FMO4: variants seen among roughly 807,000 people sequenced by gnomAD.
FMO4 encodes flavin containing dimethylaniline monoxygenase 4.
Under a neutral mutation model 43.3 loss-of-function variants are expected in FMO4, and 38 were observed. The observed-to-expected ratio is 0.88, with a 90% CI of 0.68 to 1.15. FMO4 has a LOEUF of 1.15. Ranked by LOEUF, FMO4 falls within the 50% of genes most tolerant of loss-of-function variation. The probability of loss-of-function intolerance (pLI) is 0.00; values close to 1 mark genes in which losing one functional copy is unlikely to be tolerated. For missense variants in FMO4, 631 were observed against 663.3 expected, an observed-to-expected ratio of 0.95 and a Z score of 0.54; for synonymous variants, 224 against 232.2, an observed-to-expected ratio of 0.96 and a Z score of 0.32.
intron 7 of FMO4, chr1:171,333,143 C>T (rs538981430): frequency 3.6e-5 from 13 of 357,164 alleles, no homozygotes; most frequent in South Asian, 3.1e-4. Flanking sequence ...AAGATGAAAA[C>T]TTCCATTTCC....
intron 8 of FMO4, among the ~76,000 whole-genome samples, chr1:171,335,569 T>C (rs1011961599): frequency 2.0e-5 from 3 of 152,226 alleles, no homozygotes; most frequent in Non-Finnish European, 2.9e-5. Flanking sequence ...AGCTATGCTG[T>C]AGAAAAATTC....
At chr1:171,317,026 G>C (rs911383868) in intron 2 of FMO4, among the ~76,000 whole-genome samples, 2 of 152,174 alleles carry the variant, frequency 1.3e-5, no homozygotes, top group African/African-American at 4.8e-5. Context: ...CCTGAGCAAA[G>C]ATGAAGGAAG....
rs541312356 is a variant in FMO4 at position 171,341,311 on chromosome 1, A to C, written c.1251-102A>C. On this transcript the variant is annotated intron_variant, in intron 9 of 9. Transcript: ENST00000367749. ...TCCCAAATATGGTTTGATTTCCCCCAAAAAATGTAACAAAATGGTGGGAGG... is the reference window on the plus strand; with the variant it reads ...TCCCAAATATGGTTTGATTTCCCCCCAAAAATGTAACAAAATGGTGGGAGG... 2,677 of 846,236 alleles carry C rather than the reference A, an allele frequency of 3.2e-3. 8 individuals are homozygous for C. The highest frequency in any genetic ancestry group is 4.3e-3 in the Non-Finnish European group (2,375 of 554,772). The allele number at this position is 846,236 out of a possible 1,614,324, so 52.4% of individuals were successfully genotyped here. A position where few individuals can be genotyped will look rare whatever the true frequency, so the allele number is the denominator to read the frequency against.
intron 9 of FMO4, among the ~76,000 whole-genome samples, chr1:171,337,698 T>C (rs1028939608): frequency 6.6e-6 from 1 of 152,220 alleles, no homozygotes. Context: ...CCAGGAAATC[T>C]ATTCTGACTT....
chr1:171,334,558 C>A lies in FMO4; in HGVS notation c.975C>A (p.Ile325=). 4.3e-6 allele frequency: 7 copies of A among 1,612,848 alleles called. No homozygotes were observed. Among genetic ancestry groups the A allele is most frequent in the Non-Finnish European group, 5.9e-6 (7 of 1,178,856 alleles). Residue 325 remains isoleucine (I), a synonymous_variant, in exon 8 of 10, where the codon ATC becomes ATA. Coordinates refer to ENST00000367749, the MANE Select transcript of FMO4 (RefSeq NM_002022.3). ...TGGAAGAAAACATTGATGTTGTGAT[C>A]TTCACTACAGGATATACATTTTCTT... ...GTVEENIDVV[I]FTTGYTFSFP...
chr1:171,339,015 G>A lies in FMO4; in HGVS notation c.1250+1590G>A, dbSNP rs113642819. Among the ~76,000 whole-genome samples the A allele has an allele frequency of 3.4e-4, 52 of 152,228 alleles. 1 individual carries two copies. Among genetic ancestry groups the A allele is most frequent in the Middle Eastern group, 6.8e-3 (2 of 292 alleles). ...TAAACTTCATGAAAAGTAGAACATCGTGGAAGTTTACTGACAGGAATAAGT... is the reference window on the plus strand; with the variant it reads ...TAAACTTCATGAAAAGTAGAACATCATGGAAGTTTACTGACAGGAATAAGT... On this transcript the variant is annotated intron_variant, in intron 9 of 9. Transcript: ENST00000367749.
At chr1:171,315,079 A>T (rs1368334574) in intron 1 of FMO4, among the ~76,000 whole-genome samples, 1 of 152,102 alleles carries the variant, frequency 6.6e-6, no homozygotes, top group Non-Finnish European at 1.5e-5. Context: ...ACCACTTGAG[A>T]TCAGGAGTTT....
At chr1:171,339,245 C>T (rs1455003925) in intron 9 of FMO4, among the ~76,000 whole-genome samples, 1 of 152,134 alleles carries the variant, frequency 6.6e-6, no homozygotes, top group African/African-American at 2.4e-5. Context: ...TTGGACTGAT[C>T]AGACGTTGTT....
rs1244655500 is a variant in FMO4, at chr1:171,331,765, A to G, written c.610A>G (p.Ser204Gly). ...NTGGDIAVEL[S>G]RTAAQVLLST... ...TGGAGGAGACATTGCTGTGGAACTC[A>G]GTCGAACGGCAGCTCAGGTACATCA... is the stretch of plus-strand genomic sequence containing the variant. Residue 204 changes from serine to glycine, a missense_variant, in exon 6 of 10, where the codon AGT becomes GGT. Physicochemically the swap from Ser to Gly is moderately conservative, Grantham distance 56. Coordinates refer to ENST00000367749, the MANE Select transcript of FMO4 (RefSeq NM_002022.3). 1 of 1,613,904 alleles carries G rather than the reference A, an allele frequency of 6.2e-7. No homozygotes were observed. Among genetic ancestry groups the G allele is most frequent in the Admixed American group, 1.7e-5 (1 of 60,012 alleles).
At chr1:171,339,367 C>G (rs1419000756) in intron 9 of FMO4, among the ~76,000 whole-genome samples, 1 of 152,118 alleles carries the variant, frequency 6.6e-6, no homozygotes, top group Non-Finnish European at 1.5e-5. Context: ...TTTTGATAGA[C>G]TCAATACTGG....
intron 1 of FMO4, among the ~76,000 whole-genome samples, chr1:171,314,988 G>C (rs778317940): frequency 6.6e-6 from 1 of 152,044 alleles, no homozygotes; most frequent in Non-Finnish European, 1.5e-5. Context: ...TTTCTGCCAA[G>C]GGACTAAATA....
chr1:171,319,047 G>A (rs894266791), intron 2 of FMO4, among the ~76,000 whole-genome samples: 5 of 152,222 alleles, frequency 3.3e-5, no homozygotes, highest in African/African-American at 1.2e-4. Context: ...TACTAGTTCA[G>A]TGGAGATTCA....
intron 7 of FMO4, among the ~76,000 whole-genome samples, chr1:171,333,909 C>T (rs1343853196): frequency 6.6e-6 from 1 of 151,944 alleles, no homozygotes; most frequent in Non-Finnish European, 1.5e-5. Context: ...GCCACCTCTG[C>T]CCTCCCCGGG....
intron 4 of FMO4, 27 bp downstream of exon 4, chr1:171,323,219 G>A (rs763547005): frequency 1.4e-6 from 2 of 1,469,780 alleles, no homozygotes; most frequent in Non-Finnish European, 1.9e-6. Flanking sequence ...TATGGAAGAT[G>A]AATAGATGGG....
intron 8 of FMO4, among the ~76,000 whole-genome samples, chr1:171,335,244 C>T (rs1246745617): frequency 2.6e-5 from 4 of 152,184 alleles, no homozygotes; most frequent in South Asian, 2.1e-4. Context: ...GTCAGAGCTA[C>T]GGAGGTCCAA....
intron 2 of FMO4, among the ~76,000 whole-genome samples, chr1:171,319,431 CA>C (rs1383540013): frequency 6.6e-6 from 1 of 152,144 alleles, no homozygotes; most frequent in Admixed American, 6.5e-5. Flanking sequence ...CATTGGGGTG[CA>C]AAAACAGGAA....
At chr1:171,337,015 T>C (rs1043155153) in intron 8 of FMO4, among the ~76,000 whole-genome samples, 1 of 151,696 alleles carries the variant, frequency 6.6e-6, no homozygotes, top group East Asian at 1.9e-4. Context: ...ACATACAATA[T>C]AATATAAATT....
intron 5 of FMO4, among the ~76,000 whole-genome samples, chr1:171,328,791 T>A (rs2101893150): frequency 6.6e-6 from 1 of 152,234 alleles, no homozygotes; most frequent in South Asian, 2.1e-4. Flanking sequence ...TTAGCCAACT[T>A]TTTCCTTTAG....
At chr1:171,340,471 T>C (rs1245880918) in intron 9 of FMO4, among the ~76,000 whole-genome samples, 1 of 152,230 alleles carries the variant, frequency 6.6e-6, no homozygotes, top group African/African-American at 2.4e-5. Flanking sequence ...GTCGTCACTG[T>C]CTATTGTCAT....
Sources: gnomAD v4.1 joint callset for allele counts (sites outside exome capture counted in the v4.1 genomes callset) on GRCh38, gnomAD v4.1.1 for gene constraint, MANE v1.5 for transcripts, NCBI Gene and HGNC (gene_info 2026-07-23, HGNC 2026-07-21) for gene names.